PCDHGB6: variants seen among roughly 807,000 people sequenced by gnomAD.
PCDHGB6 encodes protocadherin gamma-B6.
Under a neutral mutation model 59.1 loss-of-function variants are expected in PCDHGB6, and 51 were observed. The ratio of observed to expected loss-of-function variants is 0.86; its 90% CI spans 0.69 to 1.09. PCDHGB6 has a LOEUF of 1.09. PCDHGB6 is among the 50% of genes least tolerant of loss of function. The probability of loss-of-function intolerance (pLI) is 0.00; values close to 1 mark genes in which losing one functional copy is unlikely to be tolerated. For missense variants in PCDHGB6, 1,148 were observed against 1,205.1 expected, an observed-to-expected ratio of 0.95 and a Z score of 0.70; for synonymous variants, 466 against 495.1, an observed-to-expected ratio of 0.94 and a Z score of 0.78.
intron 1 of PCDHGB6, among the ~76,000 whole-genome samples, chr5:141,462,012 G>A (rs1046109009): frequency 9.9e-5 from 15 of 152,128 alleles, no homozygotes; most frequent in Admixed American, 5.9e-4. Context: ...TAATAGAGAC[G>A]GGGTTTCTTC....
intron 1 of PCDHGB6, among the ~76,000 whole-genome samples, chr5:141,492,090 C>T (rs751238997): frequency 1.4e-4 from 21 of 152,258 alleles, no homozygotes; most frequent in Admixed American, 6.5e-5. Flanking sequence ...GCACGCTTCG[C>T]CGGTCTGTAG....
At chr5:141,494,724 T>C in intron 1 of PCDHGB6, 83 bp from the exon 2 acceptor site, 1 of 1,606,108 alleles carries the variant, frequency 6.2e-7, no homozygotes, top group South Asian at 1.1e-5. Flanking sequence ...CCCCTCCTTC[T>C]CTCCCGGCCC....
intron 1 of PCDHGB6, chr5:141,423,762 G>T: frequency 2.3e-5 from 6 of 264,236 alleles, no homozygotes; most frequent in Non-Finnish European, 3.4e-5. Context: ...GGGGGGGGGT[G>T]GGGCGGCATA....
intron 1 of PCDHGB6, chr5:141,416,346 T>A (rs2096017940): frequency 6.6e-6 from 1 of 152,238 alleles, no homozygotes; most frequent in African/African-American, 2.4e-5. Flanking sequence ...TCAATAGGGA[T>A]CCTGAGGAGG....
In PCDHGB6 at chr5:141,418,521, C is replaced by G. The variant is rs1246716171; in HGVS notation, c.2418+7901C>G. The G allele has an allele frequency of 3.7e-6, 6 of 1,613,840 alleles. No individual in the cohort carries two copies. The Admixed American group carries it at 1.0e-4, about 27-fold the overall frequency. On this transcript the variant is annotated intron_variant, in intron 1 of 3. Coordinates refer to ENST00000520790, the MANE Select transcript of PCDHGB6 (RefSeq NM_018926.3). ...ACCGCCTTAGATGGTGGGGACCCTC[C>G]CCGAAGCGGTACTGCTCAGATAAGA...
At chr5:141,443,209 C>T (rs1183847804) in intron 1 of PCDHGB6, among the ~76,000 whole-genome samples, 2 of 152,030 alleles carry the variant, frequency 1.3e-5, no homozygotes, top group African/African-American at 2.4e-5. Flanking sequence ...GAGCTTGTCT[C>T]GCCAGGCGCA....
Position 141,492,023 on chromosome 5 carries a change from C to G in PCDHGB6, c.2419-2784C>G, listed in dbSNP as rs536734764. 1.8e-4 allele frequency: 102 copies of G among 564,804 alleles called. 3 individuals carry two copies. In the South Asian group the frequency reaches 2.8e-3, roughly 15 times the overall value. The allele number at this position is 564,804 out of a possible 1,614,324, so 35.0% of individuals were successfully genotyped here. A position where few individuals can be genotyped will look rare whatever the true frequency, so the allele number is the denominator to read the frequency against. On this transcript the variant is annotated intron_variant, in intron 1 of 3. Coordinates refer to ENST00000520790, the MANE Select transcript of PCDHGB6 (RefSeq NM_018926.3). Reference sequence around the variant, plus strand: ...CGATTTCCGCGGGTGTCGGGGGTCCCGGGAGGAGGCAGTCACAGATCCACC... The same window carrying G: ...CGATTTCCGCGGGTGTCGGGGGTCCGGGGAGGAGGCAGTCACAGATCCACC...
chr5:141,423,141 G>T (rs2096714253), intron 1 of PCDHGB6: 6 of 1,613,580 alleles, frequency 3.7e-6, no homozygotes, highest in East Asian at 2.2e-5. Context: ...ACAGAGACGC[G>T]CTCAAGCAGA....
At chr5:141,459,846 A>G (rs945742948) in intron 1 of PCDHGB6, among the ~76,000 whole-genome samples, 1 of 152,170 alleles carries the variant, frequency 6.6e-6, no homozygotes, top group Admixed American at 6.5e-5. Context: ...CTATTTGTAT[A>G]TCTTCTTGAA....
In PCDHGB6 at chr5:141,431,739, A is replaced by G; in HGVS notation, c.2418+21119A>G. 3.1e-6 allele frequency: 5 copies of G among 1,614,240 alleles called. No homozygotes were observed. Among genetic ancestry groups the G allele is most frequent in the Non-Finnish European group, 3.4e-6 (4 of 1,180,048 alleles). Reference sequence around the variant, plus strand: ...GTGCAAGCAATGGATAATGCAGGATATTCTGCGCGAGCCAAAGTCCTGATC... The same window carrying G: ...GTGCAAGCAATGGATAATGCAGGATGTTCTGCGCGAGCCAAAGTCCTGATC... On this transcript the variant is annotated intron_variant, in intron 1 of 3. Transcript: ENST00000520790. The surrounding 1 kb of genome is among the most constrained non-coding windows in gnomAD (Gnocchi z 4.8).
chr5:141,501,302 C>T (rs886901737), intron 2 of PCDHGB6, among the ~76,000 whole-genome samples: 14 of 151,156 alleles, frequency 9.3e-5, no homozygotes, highest in African/African-American at 2.9e-4. Flanking sequence ...CACACACACA[C>T]ACACACACAC....
intron 1 of PCDHGB6, among the ~76,000 whole-genome samples, chr5:141,457,898 A>T (rs1035775197): frequency 6.6e-6 from 1 of 151,874 alleles, no homozygotes; most frequent in Non-Finnish European, 1.5e-5. Context: ...GACTGTGTAG[A>T]CAAGGTGTGA....
chr5:141,477,482 C>T lies in PCDHGB6; in HGVS notation c.2419-17325C>T, dbSNP rs1168724444. The T allele has an allele frequency of 6.2e-7, 1 of 1,614,118 alleles. No individual in the cohort carries two copies. Among genetic ancestry groups the T allele is most frequent in the Non-Finnish European group, 8.5e-7 (1 of 1,180,016 alleles). ...GTCCGACATCAATGACAACCCTCCA[C>T]AATCTTCTCAATCTTCCTACGACGT... is the stretch of plus-strand genomic sequence containing the variant. On this transcript the variant is annotated intron_variant, in intron 1 of 3. Coordinates refer to ENST00000520790, the MANE Select transcript of PCDHGB6 (RefSeq NM_018926.3). This position sits in a 1 kb window ranked among gnomAD's most constrained non-coding sequence, Gnocchi z 4.9.
intron 1 of PCDHGB6, among the ~76,000 whole-genome samples, chr5:141,455,250 A>C (rs1016027355): frequency 2.0e-5 from 3 of 152,172 alleles, no homozygotes; most frequent in Non-Finnish European, 2.9e-5. Flanking sequence ...GTCATAGTAC[A>C]ATCGCATTTC....
chr5:141,431,420 G>A lies in PCDHGB6; in HGVS notation c.2418+20800G>A, dbSNP rs780266425. ...TACGGCCTCCGACGGGGGCGACCCG[G>A]TGCGCACAGGCACCGCGCGCATCCG... On this transcript the variant is annotated intron_variant, in intron 1 of 3. Coordinates refer to ENST00000520790, the MANE Select transcript of PCDHGB6 (RefSeq NM_018926.3). The surrounding 1 kb of genome is among the most constrained non-coding windows in gnomAD (Gnocchi z 4.8). 5 of 1,613,592 alleles carry A rather than the reference G, an allele frequency of 3.1e-6. No homozygotes were observed. The highest frequency in any genetic ancestry group is 3.4e-6 in the Non-Finnish European group (4 of 1,180,050).
chr5:141,476,054 A>T lies in PCDHGB6; in HGVS notation c.2419-18753A>T. The T allele has an allele frequency of 3.3e-6, 5 of 1,504,982 alleles. No homozygotes were observed. The highest frequency in any genetic ancestry group is 4.4e-6 in the Non-Finnish European group (5 of 1,134,040). 93.2% of individuals were successfully genotyped at this position (1,504,982 alleles called of 1,614,324 possible). A position where few individuals can be genotyped will look rare whatever the true frequency, so the allele number is the denominator to read the frequency against. ...AGCGCCCAAGCGCTAACCCGCTGAA[A>T]GTTTCTCAGCGAAATCTCAGGGACG... On this transcript the variant is annotated intron_variant, in intron 1 of 3. Coordinates refer to ENST00000520790, the MANE Select transcript of PCDHGB6 (RefSeq NM_018926.3). The surrounding 1 kb of genome is among the most constrained non-coding windows in gnomAD (Gnocchi z 7.6).
rs1364415249 is a variant in PCDHGB6 at position 141,489,240 on chromosome 5, C to A, written c.2419-5567C>A. The stretch of plus-strand genomic sequence containing the variant: ...ACTCTCCACAAAGGGACTTCTGGGT[C>A]ATGGGGCCCAAGACACTCCCACAGC... On this transcript the variant is annotated intron_variant, in intron 1 of 3. Coordinates refer to ENST00000520790, the MANE Select transcript of PCDHGB6 (RefSeq NM_018926.3). The surrounding 1 kb of genome is among the most constrained non-coding windows in gnomAD (Gnocchi z 4.5). 1 of 1,534,136 alleles carries A rather than the reference C, an allele frequency of 6.5e-7. No individual in the cohort carries two copies. Among genetic ancestry groups the A allele is most frequent in the South Asian group, 1.3e-5 (1 of 76,896 alleles).
Position 141,511,579 on chromosome 5 carries a change from G to T in PCDHGB6, c.*406G>T. The T allele has an allele frequency of 3.6e-6, 1 of 280,798 alleles. No individual in the cohort carries two copies. Among genetic ancestry groups the T allele is most frequent in the South Asian group, 4.1e-5 (1 of 24,614 alleles). 17.4% of individuals were successfully genotyped at this position (280,798 alleles called of 1,614,324 possible). On this transcript the variant is annotated 3_prime_UTR_variant, in exon 4 of 4. Transcript: ENST00000520790. Reference sequence around the variant, plus strand: ...CCTCTTTCCCGAGTAAGGTGGTTGGGGTGTTGAAGTACCAAGTAACCTACA... The same window carrying T: ...CCTCTTTCCCGAGTAAGGTGGTTGGTGTGTTGAAGTACCAAGTAACCTACA...
intron 1 of PCDHGB6, among the ~76,000 whole-genome samples, chr5:141,425,504 T>A (rs1049969153): frequency 2.6e-5 from 4 of 152,260 alleles, no homozygotes; most frequent in Non-Finnish European, 5.9e-5. Flanking sequence ...TACCTTTATA[T>A]TCTCTTTATG....
Sources: gnomAD v4.1 joint callset for allele counts (sites outside exome capture counted in the v4.1 genomes callset) on GRCh38, gnomAD v4.1.1 for gene constraint, Gnocchi (gnomAD v3.1) non-coding constraint, MANE v1.5 for transcripts, NCBI Gene and HGNC (gene_info 2026-07-23, HGNC 2026-07-21) for gene names.